The following BRCA1 variants were observed in gnomAD, a reference collection of about 807,000 sequenced individuals.
BRCA1 encodes breast cancer type 1 susceptibility protein.
A neutral mutation model predicts 173.7 loss-of-function variants in BRCA1; 140 were observed. The ratio of observed to expected loss-of-function variants is 0.81; its 90% CI spans 0.70 to 0.93. The LOEUF is 0.93. BRCA1 is among the 40% of genes least tolerant of loss of function. The pLI is 0.00. For missense variants in BRCA1, 1,983 were observed against 2,172.5 expected, an observed-to-expected ratio of 0.91 and a Z score of 1.73; for synonymous variants, 662 against 756.0, an observed-to-expected ratio of 0.88 and a Z score of 2.04.
At chr17:43,159,988 T>C (rs553265628) in intron 1 of BRCA1, 4 of 152,260 alleles carry the variant, frequency 2.6e-5, no homozygotes, top group African/African-American at 9.6e-5. Context: ...AGAGCCAGCT[T>C]CAGAGGAAGG....
chr17:43,151,710 G>A (rs538233324), intron 1 of BRCA1, among the ~76,000 whole-genome samples: 1 of 152,192 alleles, frequency 6.6e-6, no homozygotes, highest in East Asian at 1.9e-4. Context: ...GTCAACATAG[G>A]GAGACCCCAT....
intron 13 of BRCA1, among the ~76,000 whole-genome samples, chr17:43,075,979 G>C (rs886355799): frequency 6.6e-6 from 1 of 151,948 alleles, no homozygotes; most frequent in African/African-American, 2.4e-5. Context: ...TGTGGACCCA[G>C]CTACTCAGGA....
rs886040919 is a variant in BRCA1, at chr17:43,099,772, T to C, written c.547+3A>G. 1 of 1,598,920 alleles carries C rather than the reference T, an allele frequency of 6.3e-7. No homozygotes were observed. The highest frequency in any genetic ancestry group is 1.3e-5 in the African/African-American group (1 of 74,660). On this transcript the variant is annotated splice_donor_region_variant and intron_variant, in intron 7 of 22. Transcript: ENST00000357654. The stretch of plus-strand genomic sequence containing the variant: ...AAATACTTAAAAAACCTGAGACCCT[T>C]ACCCAATTCAATGTAGACAGACGTC...
chr17:43,113,994 G>A (rs58834874), intron 3 of BRCA1, among the ~76,000 whole-genome samples: 1 of 151,642 alleles, frequency 6.6e-6, no homozygotes, highest in East Asian at 1.9e-4. Context: ...AGAATCGCTT[G>A]AACCCAGGAG....
At chr17:43,084,870 G>C (rs962274973) in intron 11 of BRCA1, among the ~76,000 whole-genome samples, 1 of 152,162 alleles carries the variant, frequency 6.6e-6, no homozygotes, top group Non-Finnish European at 1.5e-5. Flanking sequence ...TTCACAGGCT[G>C]TATTAGTCAC....
At chr17:43,116,664 G>T (rs535462321) in intron 2 of BRCA1, among the ~76,000 whole-genome samples, 85 of 152,254 alleles carry the variant, frequency 5.6e-4, no homozygotes, top group African/African-American at 1.9e-3. Context: ...AACTACAGGC[G>T]TGCGCCACCA....
chr17:43,116,022 A>G lies in BRCA1; in HGVS notation c.81-243T>C, dbSNP rs539643756. On this transcript the variant is annotated intron_variant, in intron 2 of 22. Transcript: ENST00000357654. ...AAAACAGAATTATATTGATCCCTTC[A>G]ATACTCTATACTATCATCAGCATTT... 6.6e-5 allele frequency among the ~76,000 whole-genome samples: 10 copies of G among 152,324 alleles called. No homozygotes were observed. In the South Asian group the frequency reaches 2.1e-3, roughly 32 times the overall value.
At chr17:43,050,130 G>A (rs1352552177) in intron 20 of BRCA1, 3 of 398,486 alleles carry the variant, frequency 7.5e-6, no homozygotes, top group Non-Finnish European at 1.3e-5. Flanking sequence ...TCTCTAAGGT[G>A]TAAGAGGACC....
rs80357522 is a variant in BRCA1 at position 43,093,569 on chromosome 17, CT to C, written c.1961del (p.Lys654SerfsTer47). The C allele has an allele frequency of 6.2e-6, 10 of 1,613,680 alleles. No homozygotes were observed. Among genetic ancestry groups the C allele is most frequent in the Non-Finnish European group, 7.6e-6 (9 of 1,179,968 alleles). On this transcript the variant is annotated frameshift_variant, in exon 10 of 23. Transcript: ENST00000357654. LOFTEE classifies it high-confidence loss of function. ...CSSSEEIKKKKYNQMPVRHSR... is the reference protein window; with the variant it reads ...CSSSEEIKKKXYNQMPVRHSR... ...TGTGCCTGACTGGCATTTGGTTGTA[CT>C]TTTTTTTCTTTATCTCTTCACTGCT... is the stretch of plus-strand genomic sequence containing the variant.
At position 43,097,267 on chromosome 17, in the gene BRCA1, G is replaced by A. The variant is rs201536070; in HGVS notation, c.570C>T (p.Thr190=). ...ACCTGCAATAAGTTGCCTTATTAAC[G>A]GTATCTTCAGAAGAATCAGATCCTA... ...IELGSDSSED[T]VNKATYCSVG... is the part of the protein sequence containing the mutation. The change falls in exon 8 of 23, where the codon ACC becomes ACT. Residue 190 remains threonine, a synonymous_variant. Transcript: ENST00000357654. The A allele has an allele frequency of 5.6e-5, 90 of 1,613,394 alleles. No homozygotes were observed. The highest frequency in any genetic ancestry group is 6.7e-5 in the East Asian group (3 of 44,832).
chr17:43,138,769 C>G lies in BRCA1; in HGVS notation c.-19-14654G>C, dbSNP rs775711059. 3 of 779,064 alleles carry G rather than the reference C, an allele frequency of 3.9e-6. No homozygotes were observed. In the South Asian group the frequency reaches 4.0e-5, roughly 10 times the overall value. The allele number at this position is 779,064 out of a possible 1,614,324, so 48.3% of individuals were successfully genotyped here. ...GGAAAGGAGGTAGAAGTCATCCTTT[C>G]CTCCCCTGTAGCAGCAGGCGTGCAG... On this transcript the variant is annotated intron_variant, in intron 1 of 7. Transcript: ENST00000634433.
rs62625299 is a variant in BRCA1 at position 43,094,766 on chromosome 17, C to T, written c.765G>A (p.Glu255=). 274 of 1,611,322 alleles carry T rather than the reference C, an allele frequency of 1.7e-4. 1 individual carries two copies. In the African/African-American group the frequency reaches 3.4e-3, roughly 20 times the overall value. ...TACCCTGATACTTTTCTGGATGCCT[C>T]TCAGCTGCACGCTTCTCAGTGGTGT... ...DLNTTEKRAA[E]RHPEKYQGSS... The change falls in exon 10 of 23, where the codon GAG becomes GAA. Residue 255 remains glutamate (E), a synonymous_variant. Coordinates refer to ENST00000357654, the MANE Select transcript of BRCA1 (RefSeq NM_007294.4).
At chr17:43,084,281 C>T (rs963707339) in intron 11 of BRCA1, among the ~76,000 whole-genome samples, 15 of 152,190 alleles carry the variant, frequency 9.9e-5, no homozygotes, top group Non-Finnish European at 1.9e-4. Context: ...CCTCCCGCCT[C>T]GGCCTCCCAA....
At chr17:43,113,811 G>A (rs1031831913) in intron 3 of BRCA1, among the ~76,000 whole-genome samples, 4 of 152,030 alleles carry the variant, frequency 2.6e-5, no homozygotes, top group African/African-American at 9.7e-5. Flanking sequence ...AGCCAGGCGC[G>A]GTGGCTTACA....
At chr17:43,131,820 G>A (rs2055968520) in intron 1 of BRCA1, among the ~76,000 whole-genome samples, 1 of 151,590 alleles carries the variant, frequency 6.6e-6, no homozygotes, top group South Asian at 2.1e-4. Context: ...GTCTCACTCT[G>A]TCATCCAGGC....
chr17:43,151,245 C>T (rs2056159627), intron 1 of BRCA1, among the ~76,000 whole-genome samples: 1 of 152,148 alleles, frequency 6.6e-6, no homozygotes, highest in Non-Finnish European at 1.5e-5. Context: ...CTATGACTGT[C>T]AAACATTGTC....
chr17:43,071,350 G>T, intron 14 of BRCA1, 112 bp from the exon 15 acceptor site: 1 of 1,215,320 alleles, frequency 8.2e-7, no homozygotes, highest in East Asian at 2.4e-5. Context: ...GAGAAAAATG[G>T]GTACATGAAT....
At chr17:43,079,646 AAAGAAGCCAAAGAGAAAGGTACGT>A in intron 12 of BRCA1, 1 of 861,040 alleles carries the variant, frequency 1.2e-6, no homozygotes, top group Non-Finnish European at 2.0e-6. Flanking sequence ...TCAGAAAAAG[AAAGAAGCCAAAGAGAAAGGTACGT>A]GGGTTCAACT....
At chr17:43,148,295 A>G in intron 1 of BRCA1, 1 of 170,640 alleles carries the variant, frequency 5.9e-6, no homozygotes, top group Non-Finnish European at 1.2e-5. Flanking sequence ...TCTCAAAAAA[A>G]AAAAAAATCA....
Sources: allele counts gnomAD v4.1 joint callset (sites outside exome capture counted in the v4.1 genomes callset), GRCh38; gene constraint gnomAD v4.1.1; transcripts MANE v1.5; gene names NCBI Gene and HGNC (gene_info 2026-07-23, HGNC 2026-07-21).